The following BTBD9 variants were observed in gnomAD, a reference collection of about 807,000 sequenced individuals.
The protein encoded by BTBD9 is BTB/POZ domain-containing protein 9.
A neutral mutation model predicts 64.3 loss-of-function variants in BTBD9; 49 were observed. The observed-to-expected ratio is 0.76, with a 90% confidence interval of 0.61 to 0.97. The LOEUF (loss-of-function observed/expected upper bound fraction) is 0.97. BTBD9 is among the 50% of genes least tolerant of loss of function. The pLI is 0.00. For missense variants in BTBD9, 598 were observed against 762.1 expected (o/e 0.78, Z 2.53); for synonymous variants, 260 against 274.7 (o/e 0.95, Z 0.53).
chr6:38,263,070 A>AT (rs1764849161), intron 8 of BTBD9, among the ~76,000 whole-genome samples: 1 of 152,252 alleles, frequency 6.6e-6, no homozygotes, highest in African/African-American at 2.4e-5. Context: ...CAACCAGGAT[A>AT]TTAGTGACAG....
At chr6:38,215,402 T>C (rs751542024) in intron 9 of BTBD9, among the ~76,000 whole-genome samples, 2 of 151,870 alleles carry the variant, frequency 1.3e-5, no homozygotes, top group Admixed American at 6.6e-5. Context: ...GCTAAGCAAA[T>C]AGTTTACCCA....
chr6:38,476,730 TG>T (rs1375605017), intron 6 of BTBD9, among the ~76,000 whole-genome samples: 1 of 152,230 alleles, frequency 6.6e-6, no homozygotes, highest in African/African-American at 2.4e-5. Context: ...AGATAATAAG[TG>T]TCAAACCAGT....
intron 7 of BTBD9, among the ~76,000 whole-genome samples, chr6:38,312,345 C>A (rs1314440439): frequency 6.6e-6 from 1 of 151,996 alleles, no homozygotes; most frequent in Non-Finnish European, 1.5e-5. Context: ...AATATTTTCT[C>A]CCATTCCTGT....
At chr6:38,412,241 A>G (rs954752432) in intron 6 of BTBD9, among the ~76,000 whole-genome samples, 2 of 152,158 alleles carry the variant, frequency 1.3e-5, no homozygotes, top group South Asian at 2.1e-4. Flanking sequence ...CCTAATATAT[A>G]AAGAATTCCT....
At chr6:38,402,905 T>A in intron 6 of BTBD9, 2 of 686,446 alleles carry the variant, frequency 2.9e-6, no homozygotes, top group Non-Finnish European at 5.3e-6. Flanking sequence ...CCATCTCCAC[T>A]AAAATTAGAA....
At chr6:38,438,659 C>T (rs1052526340) in intron 6 of BTBD9, among the ~76,000 whole-genome samples, 1 of 152,180 alleles carries the variant, frequency 6.6e-6, no homozygotes, top group Non-Finnish European at 1.5e-5. Context: ...TTCTTTCAAT[C>T]TTACAAGTAT....
intron 6 of BTBD9, among the ~76,000 whole-genome samples, chr6:38,483,193 C>T (rs913841028): frequency 6.6e-6 from 1 of 151,856 alleles, no homozygotes; most frequent in Non-Finnish European, 1.5e-5. Flanking sequence ...TGTATTGCTA[C>T]CCCTATTCCC....
intron 6 of BTBD9, among the ~76,000 whole-genome samples, chr6:38,472,720 C>T (rs7764900): frequency 0.069 from 10,490 of 152,148 alleles, 711 homozygotes; most frequent in African/African-American, 0.17. Flanking sequence ...TCTAAAAATA[C>T]GCTAGGCCTG....
intron 6 of BTBD9, among the ~76,000 whole-genome samples, chr6:38,536,578 A>G (rs951862252): frequency 6.6e-6 from 1 of 152,202 alleles, no homozygotes; most frequent in African/African-American, 2.4e-5. Flanking sequence ...AAGCAACCTA[A>G]GTGTCCATCA....
chr6:38,617,967 G>C (rs971793970), intron 1 of BTBD9, among the ~76,000 whole-genome samples: 3 of 152,318 alleles, frequency 2.0e-5, no homozygotes, highest in African/African-American at 7.2e-5. Flanking sequence ...TGGTGGTTAA[G>C]AGCCACTAAA....
intron 9 of BTBD9, among the ~76,000 whole-genome samples, chr6:38,231,456 A>C (rs922097498): frequency 4.6e-5 from 7 of 152,202 alleles, no homozygotes; most frequent in African/African-American, 1.7e-4. Flanking sequence ...TAATCAGATA[A>C]AGTTCATGGC....
intron 10 of BTBD9, among the ~76,000 whole-genome samples, chr6:38,178,616 G>A (rs1761390831): frequency 6.6e-6 from 1 of 152,080 alleles, no homozygotes; most frequent in African/African-American, 2.4e-5. Context: ...AGTCTGGAAG[G>A]AAGAGGCAGC....
In BTBD9 at chr6:38,182,631, G is replaced by A. The variant is rs150862282; in HGVS notation, c.1642-7449C>T. On this transcript the variant is annotated intron_variant, in intron 10 of 10. Transcript: ENST00000481247. The stretch of plus-strand genomic sequence containing the variant: ...TCTTCACTTTGTGTGACCAGGCTCC[G>A]CATGTACCTTCTGTCTCAAAGGGCT... Among the ~76,000 whole-genome samples the A allele has an allele frequency of 4.5e-3, 688 of 152,220 alleles. 8 individuals are homozygous for A. Among genetic ancestry groups the A allele is most frequent in the African/African-American group, 0.016 (658 of 41,534 alleles).
At chr6:38,425,085 G>T (rs1029449215) in intron 6 of BTBD9, among the ~76,000 whole-genome samples, 8 of 149,912 alleles carry the variant, frequency 5.3e-5, no homozygotes, top group Admixed American at 5.3e-4. Context: ...CAAAGTGCTC[G>T]GATTACAGGT....
At chr6:38,464,336 A>ATT (rs757009015) in intron 6 of BTBD9, among the ~76,000 whole-genome samples, 16,614 of 151,748 alleles carry the variant, frequency 0.11, 953 homozygotes, top group African/African-American at 0.14. Context: ...TAATTTACTA[A>ATT]GTGACATTGA....
At chr6:38,333,797 T>C (rs1389328226) in intron 7 of BTBD9, among the ~76,000 whole-genome samples, 2 of 152,176 alleles carry the variant, frequency 1.3e-5, no homozygotes, top group African/African-American at 2.4e-5. Flanking sequence ...AGTGTGAAAG[T>C]GGACTAACAC....
chr6:38,528,500 G>A (rs1280689448), intron 6 of BTBD9, among the ~76,000 whole-genome samples: 5 of 152,138 alleles, frequency 3.3e-5, no homozygotes, highest in Admixed American at 6.5e-5. Context: ...AGCACAGCTC[G>A]CAGCTCTCAG....
chr6:38,530,201 T>A (rs1235253181), intron 6 of BTBD9, among the ~76,000 whole-genome samples: 1 of 152,146 alleles, frequency 6.6e-6, no homozygotes, highest in Non-Finnish European at 1.5e-5. Flanking sequence ...GTCAGACCAG[T>A]TCTCTGCTCT....
chr6:38,274,861 C>T (rs553489068), intron 8 of BTBD9, among the ~76,000 whole-genome samples: 120 of 152,264 alleles, frequency 7.9e-4, no homozygotes, highest in African/African-American at 2.7e-3. Flanking sequence ...GTGTCTCTGC[C>T]AGGCTTTGGT....
Sources: allele counts gnomAD v4.1 joint callset (sites outside exome capture counted in the v4.1 genomes callset), GRCh38; gene constraint gnomAD v4.1.1; transcripts MANE v1.5; gene names NCBI Gene and HGNC (gene_info 2026-07-23, HGNC 2026-07-21).